Variants in HPSE2 observed in about 807,000 individuals in gnomAD.
HPSE2 encodes inactive heparanase-2.
Under a neutral mutation model 60.5 loss-of-function variants are expected in HPSE2, and 38 were observed. The observed-to-expected ratio is 0.63, with a 90% CI of 0.48 to 0.82. The LOEUF (loss-of-function observed/expected upper bound fraction) is 0.82, where lower values mean the gene tolerates loss of function less well. Among genes scored for constraint, HPSE2 ranks in the 40% least tolerant of loss-of-function variants. The probability of loss-of-function intolerance (pLI) is 0.00; values close to 1 mark genes in which losing one functional copy is unlikely to be tolerated. For missense variants in HPSE2, 713 were observed against 740.4 expected (o/e 0.96, Z 0.43); for synonymous variants, 295 against 293.2 (o/e 1.01, Z -0.06).
chr10:98,580,019 C>T (rs988941616), intron 9 of HPSE2, among the ~76,000 whole-genome samples: 1 of 152,228 alleles, frequency 6.6e-6, no homozygotes, highest in Admixed American at 6.5e-5. Flanking sequence ...ACTGCCCTCA[C>T]ACTTGATTAA....
intron 3 of HPSE2, among the ~76,000 whole-genome samples, chr10:98,853,764 T>C (rs1018478119): frequency 6.6e-6 from 1 of 152,196 alleles, no homozygotes; most frequent in South Asian, 2.1e-4. Flanking sequence ...ACCCAAACCC[T>C]ACTTCTTACT....
intron 9 of HPSE2, among the ~76,000 whole-genome samples, chr10:98,589,822 C>G (rs1218310548): frequency 6.6e-6 from 1 of 152,244 alleles, no homozygotes; most frequent in African/African-American, 2.4e-5. Flanking sequence ...CTTTTGTCCT[C>G]AGCCATGACT....
At chr10:98,510,137 A>C (rs1420281137) in intron 9 of HPSE2, among the ~76,000 whole-genome samples, 1 of 152,198 alleles carries the variant, frequency 6.6e-6, no homozygotes, top group Non-Finnish European at 1.5e-5. Context: ...AATCACATTT[A>C]CTGATAAATA....
In HPSE2 at chr10:98,982,172, A is replaced by G. The variant is rs117094849; in HGVS notation, c.610+162066T>C. Among the ~76,000 whole-genome samples the G allele has an allele frequency of 3.9e-3, 595 of 152,258 alleles. 3 individuals are homozygous for G. Among genetic ancestry groups the G allele is most frequent in the Non-Finnish European group, 6.8e-3 (460 of 68,006 alleles). On this transcript the variant is annotated intron_variant, in intron 3 of 11. Transcript: ENST00000370552. ...GATATAAAAGATCACCTGTCAGAAA[A>G]ACAAAAACTCCCACTGATCTGAACA...
intron 2 of HPSE2, among the ~76,000 whole-genome samples, chr10:99,156,878 A>T (rs1231446790): frequency 3.3e-5 from 3 of 92,108 alleles, no homozygotes; most frequent in African/African-American, 8.1e-5. Context: ...AAATCTCCTT[A>T]AGCTGATAAG....
chr10:99,153,144 T>A (rs910818423), intron 2 of HPSE2, among the ~76,000 whole-genome samples: 2,772 of 152,174 alleles, frequency 0.018, 89 homozygotes, highest in African/African-American at 0.063. Context: ...CAGTCTGAGA[T>A]CAAACTGCAA....
At chr10:98,537,638 A>AT (rs1389130430) in intron 9 of HPSE2, among the ~76,000 whole-genome samples, 2 of 152,224 alleles carry the variant, frequency 1.3e-5, no homozygotes, top group Non-Finnish European at 2.9e-5. Flanking sequence ...TCACGCCCGC[A>AT]TAAGGGCCGC....
In HPSE2 at chr10:98,670,488, A is replaced by C. The variant is rs559999137; in HGVS notation, c.1004+23412T>G. Among the ~76,000 whole-genome samples, 3 of 152,342 alleles carry C rather than the reference A, an allele frequency of 2.0e-5. No individual in the cohort carries two copies. In the East Asian group the frequency reaches 5.8e-4, roughly 29 times the overall value. On this transcript the variant is annotated intron_variant, in intron 6 of 11. Coordinates refer to ENST00000370552, the MANE Select transcript of HPSE2 (RefSeq NM_021828.5). ...TATTGTTACTAATTGAGCATCCATAATCTGAAAATTCAAGATCTGAAATGC... is the reference window on the plus strand; with the variant it reads ...TATTGTTACTAATTGAGCATCCATACTCTGAAAATTCAAGATCTGAAATGC...
chr10:99,224,320 T>G (rs1393433717), intron 2 of HPSE2, among the ~76,000 whole-genome samples: 1 of 151,828 alleles, frequency 6.6e-6, no homozygotes, highest in Non-Finnish European at 1.5e-5. Flanking sequence ...AGTCAAGAAA[T>G]ATGTCTTCAC....
intron 6 of HPSE2, among the ~76,000 whole-genome samples, chr10:98,688,697 A>G (rs577977413): frequency 6.6e-6 from 1 of 151,398 alleles, no homozygotes; most frequent in Non-Finnish European, 1.5e-5. Flanking sequence ...GCTGGTCTTG[A>G]ACTCCTGACC....
intron 7 of HPSE2, among the ~76,000 whole-genome samples, chr10:98,639,947 A>G (rs1305074063): frequency 6.6e-6 from 1 of 152,216 alleles, no homozygotes; most frequent in African/African-American, 2.4e-5. Context: ...TAATATAAAC[A>G]CTTAGAACAG....
intron 9 of HPSE2, among the ~76,000 whole-genome samples, chr10:98,500,477 T>C (rs1941993963): frequency 6.6e-6 from 1 of 152,062 alleles, no homozygotes; most frequent in Non-Finnish European, 1.5e-5. Context: ...TCAAACGAAA[T>C]GACAATAATG....
At chr10:98,872,690 C>G (rs1252469804) in intron 3 of HPSE2, among the ~76,000 whole-genome samples, 1 of 152,092 alleles carries the variant, frequency 6.6e-6, no homozygotes, top group Non-Finnish European at 1.5e-5. Flanking sequence ...AATTTCAATT[C>G]ACCTCTGTCT....
At chr10:99,025,514 C>T (rs1374018293) in intron 3 of HPSE2, among the ~76,000 whole-genome samples, 2 of 152,106 alleles carry the variant, frequency 1.3e-5, no homozygotes, top group Admixed American at 1.3e-4. Context: ...GAATACTACA[C>T]AGCCATAAAA....
chr10:98,851,978 A>G (rs1309434205), intron 3 of HPSE2, among the ~76,000 whole-genome samples: 1 of 128,372 alleles, frequency 7.8e-6, no homozygotes, highest in Non-Finnish European at 1.6e-5. Flanking sequence ...TTTCAAATTT[A>G]AGATTTATCA....
chr10:99,151,677 A>G (rs927611918), intron 2 of HPSE2, among the ~76,000 whole-genome samples: 1 of 152,222 alleles, frequency 6.6e-6, no homozygotes, highest in African/African-American at 2.4e-5. Context: ...AATTTGAAAC[A>G]ATGGAGACTA....
At chr10:99,189,576 C>G (rs1188637211) in intron 2 of HPSE2, among the ~76,000 whole-genome samples, 1 of 152,142 alleles carries the variant, frequency 6.6e-6, no homozygotes, top group Non-Finnish European at 1.5e-5. Context: ...CAAAATAACA[C>G]CAGAACCACA....
intron 3 of HPSE2, among the ~76,000 whole-genome samples, chr10:99,019,327 T>G (rs754899987): frequency 1.3e-5 from 2 of 152,220 alleles, no homozygotes; most frequent in Admixed American, 6.5e-5. Flanking sequence ...TGTTGCATAT[T>G]ACTTCAAGAT....
intron 11 of HPSE2, among the ~76,000 whole-genome samples, chr10:98,467,747 G>A (rs925637501): frequency 2.6e-5 from 4 of 152,370 alleles, no homozygotes; most frequent in African/African-American, 7.2e-5. Flanking sequence ...GATGTGCCCT[G>A]CGCTTGGCCT....
Sources: gnomAD v4.1 joint callset for allele counts (sites outside exome capture counted in the v4.1 genomes callset) on GRCh38, gnomAD v4.1.1 for gene constraint, MANE v1.5 for transcripts, NCBI Gene and HGNC (gene_info 2026-07-23, HGNC 2026-07-21) for gene names.